The following FGFR2 variants were observed in gnomAD, a reference collection of about 807,000 sequenced individuals.
The protein encoded by FGFR2 is fibroblast growth factor receptor 2.
In FGFR2, 19 loss-of-function variants were observed where a neutral mutation model predicts 95.9. That is an observed-to-expected ratio of 0.20 (90% CI 0.14 to 0.29). The LOEUF (loss-of-function observed/expected upper bound fraction) is 0.29. Among genes scored for constraint, FGFR2 ranks in the 10% least tolerant of loss-of-function variants. FGFR2 has a pLI of 1.00. For missense variants in FGFR2, 707 were observed against 1,056.9 expected (o/e 0.67, Z 4.59); for synonymous variants, 392 against 393.3 (o/e 1.00, Z 0.04).
chr10:121,574,932 G>A (rs1362636774), intron 2 of FGFR2, among the ~76,000 whole-genome samples: 1 of 152,210 alleles, frequency 6.6e-6, no homozygotes, highest in Non-Finnish European at 1.5e-5. Flanking sequence ...TTTCTAACCA[G>A]TTGTCAGGGT....
chr10:121,581,522 T>C (rs1317130909), intron 2 of FGFR2, among the ~76,000 whole-genome samples: 1 of 149,470 alleles, frequency 6.7e-6, no homozygotes, highest in Non-Finnish European at 1.5e-5. Context: ...GAGGATCGCT[T>C]GAGCCCAGGA....
At chr10:121,533,132 TA>T (rs2134506485) in intron 6 of FGFR2, among the ~76,000 whole-genome samples, 1 of 152,292 alleles carries the variant, frequency 6.6e-6, no homozygotes, top group East Asian at 1.9e-4. Flanking sequence ...CTCATGCCTG[TA>T]ATCTTGGCAC....
intron 1 of FGFR2, among the ~76,000 whole-genome samples, chr10:121,594,823 T>C (rs1326276168): frequency 1.3e-5 from 2 of 152,204 alleles, no homozygotes; most frequent in African/African-American, 4.8e-5. Context: ...ATGATGTAAA[T>C]TATGTAAATT....
At chr10:121,483,978 C>A (rs1845094280) in intron 16 of FGFR2, among the ~76,000 whole-genome samples, 175 bp from the exon 17 acceptor site, 1 of 151,972 alleles carries the variant, frequency 6.6e-6, no homozygotes, top group African/African-American at 2.4e-5. Context: ...CTGCCAGTTC[C>A]TCCGAAAGGC....
In FGFR2 at chr10:121,517,650, A is replaced by G. The variant is rs911072751; in HGVS notation, c.940-187T>C. On this transcript the variant is annotated intron_variant, in intron 7 of 17. Coordinates refer to ENST00000358487, the MANE Select transcript of FGFR2 (RefSeq NM_000141.5). This position sits in a 1 kb window ranked among gnomAD's most constrained non-coding sequence, Gnocchi z 4.7. ...GAGCAACACTGACCAGCTCACCTCCACAGGCCCGTCACCACACCGGCTTCA... is the reference window on the plus strand; with the variant it reads ...GAGCAACACTGACCAGCTCACCTCCGCAGGCCCGTCACCACACCGGCTTCA... Among the ~76,000 whole-genome samples the G allele has an allele frequency of 6.6e-6, 1 of 152,104 alleles. No homozygotes were observed. Among genetic ancestry groups the G allele is most frequent in the Non-Finnish European group, 1.5e-5 (1 of 67,980 alleles).
intron 6 of FGFR2, among the ~76,000 whole-genome samples, chr10:121,534,668 T>G (rs1017470426): frequency 3.3e-5 from 5 of 152,176 alleles, no homozygotes; most frequent in Non-Finnish European, 7.3e-5. Flanking sequence ...AGTGCTAGGT[T>G]ACAGGTGTGA....
rs1287624070 is a variant in FGFR2 at position 121,593,796 on chromosome 10, T to C, written c.22A>G (p.Ile8Val). ...GCCATGGTGACCACGACCAGGCAGA[T>C]GAAACGACCCCAGCTGACCATGGTT... Reference protein sequence around the residue: MVSWGRFICLVVVTMATL... With the variant: MVSWGRFVCLVVVTMATL... Residue 8 changes from isoleucine to valine, a missense_variant, in exon 2 of 18, where the codon ATC (isoleucine) becomes GTC (valine). Ile to Val is a conservative substitution (Grantham distance 29). Transcript: ENST00000358487. 1.9e-6 allele frequency: 3 copies of C among 1,614,076 alleles called. No individual in the cohort carries two copies. Among genetic ancestry groups the C allele is most frequent in the Admixed American group, 1.7e-5 (1 of 60,006 alleles).
At chr10:121,507,948 A>G (rs1848540383) in intron 9 of FGFR2, among the ~76,000 whole-genome samples, 1 of 152,216 alleles carries the variant, frequency 6.6e-6, no homozygotes. Context: ...ACAATACAAC[A>G]ATTTTAAAAT....
chr10:121,511,583 T>A (rs2134176255), intron 9 of FGFR2, among the ~76,000 whole-genome samples: 1 of 152,290 alleles, frequency 6.6e-6, no homozygotes, highest in Non-Finnish European at 1.5e-5. Context: ...AAGATGCCCC[T>A]CTCTGGGCTG....
chr10:121,576,961 C>A (rs1859875805), intron 2 of FGFR2, among the ~76,000 whole-genome samples: 1 of 149,728 alleles, frequency 6.7e-6, no homozygotes, highest in African/African-American at 2.5e-5. Flanking sequence ...ATGGGGAGAC[C>A]CCATCTCTAT....
In FGFR2 at chr10:121,564,494, T is replaced by A. The variant is rs2135086318; in HGVS notation, c.454+8A>T. 6.2e-7 allele frequency: 1 copy of A among 1,613,398 alleles called. No homozygotes were observed. Among genetic ancestry groups the A allele is most frequent in the African/African-American group, 1.3e-5 (1 of 75,018 alleles). On this transcript the variant is annotated splice_region_variant and intron_variant, in intron 4 of 17. Coordinates refer to ENST00000358487, the MANE Select transcript of FGFR2 (RefSeq NM_000141.5). ...CTCGGGGACCATCGGAGCCGGGCAG[T>A]TACTTACTCTTGTTGTTACTGTTCT...
Position 121,593,897 on chromosome 10 carries a change from T to C in FGFR2, c.-80A>G, listed in dbSNP as rs1247078846. On this transcript the variant is annotated 5_prime_UTR_variant, in exon 2 of 18. It removes an upstream start codon present in the reference 5' UTR. Coordinates refer to ENST00000358487, the MANE Select transcript of FGFR2 (RefSeq NM_000141.5). ...CATCTGCACACTTCCTCTACGGGCA[T>C]GGACTACGCGCAATGCCTTCAGCCT... The C allele has an allele frequency of 1.5e-6, 2 of 1,332,916 alleles. No individual in the cohort carries two copies. The highest frequency in any genetic ancestry group is 1.4e-5 in the African/African-American group (1 of 69,350). The allele number at this position is 1,332,916 out of a possible 1,614,324, so 82.6% of individuals were successfully genotyped here. A position where few individuals can be genotyped will look rare whatever the true frequency, so the allele number is the denominator to read the frequency against.
chr10:121,485,570 T>C lies in FGFR2; in HGVS notation c.2058-38A>G. The C allele has an allele frequency of 6.2e-7, 1 of 1,613,842 alleles. No homozygotes were observed. The highest frequency in any genetic ancestry group is 8.5e-7 in the Non-Finnish European group (1 of 1,179,914). ...GAGAAAGCACGGCATTACTAACCCA[T>C]CCACGTTGCCAAAACCTAAACACGC... On this transcript the variant is annotated intron_variant, in intron 15 of 17. Coordinates refer to ENST00000358487, the MANE Select transcript of FGFR2 (RefSeq NM_000141.5). The surrounding 1 kb of genome is among the most constrained non-coding windows in gnomAD (Gnocchi z 4.2).
intron 6 of FGFR2, chr10:121,526,141 C>A (rs1449414425): frequency 5.0e-6 from 2 of 398,536 alleles, no homozygotes; most frequent in Admixed American, 4.4e-5. Flanking sequence ...AAATTAAAAT[C>A]AAAATTTAAT....
At chr10:121,503,683 C>T (rs1847895058) in intron 10 of FGFR2, 107 bp downstream of exon 10, 2 of 1,257,286 alleles carry the variant, frequency 1.6e-6, no homozygotes, top group Non-Finnish European at 2.3e-6. Context: ...CTGACATCAT[C>T]ACACCAAGAC....
At chr10:121,594,033 G>A in intron 1 of FGFR2, 66 bp from the exon 2 acceptor site, 1 of 627,416 alleles carries the variant, frequency 1.6e-6, no homozygotes, top group Non-Finnish European at 2.9e-6. Context: ...GCCCAAGTGG[G>A]ATAAAACCAT....
chr10:121,480,440 T>C (rs909501749), intron 17 of FGFR2: 8 of 285,182 alleles, frequency 2.8e-5, no homozygotes, highest in African/African-American at 1.1e-4. Context: ...TTGCTTCAAA[T>C]GCGAGCCCCA....
At chr10:121,588,382 C>T (rs1590109363) in intron 2 of FGFR2, among the ~76,000 whole-genome samples, 1 of 136,522 alleles carries the variant, frequency 7.3e-6, no homozygotes, top group Admixed American at 7.9e-5. Flanking sequence ...TTCACATGTA[C>T]CCCCAAACCT....
At chr10:121,568,680 T>C (rs1590025749) in intron 2 of FGFR2, among the ~76,000 whole-genome samples, 1 of 151,744 alleles carries the variant, frequency 6.6e-6, no homozygotes, top group African/African-American at 2.4e-5. Flanking sequence ...CAGAAAAAAA[T>C]CTCTCTCCCG....
Sources: gnomAD v4.1 joint callset for allele counts (sites outside exome capture counted in the v4.1 genomes callset) on GRCh38, gnomAD v4.1.1 for gene constraint, Gnocchi (gnomAD v3.1) non-coding constraint, MANE v1.5 for transcripts, NCBI Gene and HGNC (gene_info 2026-07-23, HGNC 2026-07-21) for gene names.